Variants in PRIMPOL observed in about 807,000 individuals in gnomAD.
The protein encoded by PRIMPOL is DNA-directed primase/polymerase protein.
A neutral mutation model predicts 63.6 loss-of-function variants in PRIMPOL; 54 were observed. The ratio of observed to expected loss-of-function variants is 0.85; its 90% confidence interval spans 0.68 to 1.07. The LOEUF is 1.07. Among genes scored for constraint, PRIMPOL ranks in the 50% least tolerant of loss-of-function variants. The pLI is 0.00. For synonymous variants in PRIMPOL, 197 were observed against 220.2 expected (o/e 0.89, Z 0.93); for missense variants, 610 against 648.3 (o/e 0.94, Z 0.64).
At chr4:184,657,981 G>A (rs1177037645) in intron 3 of PRIMPOL, among the ~76,000 whole-genome samples, 2 of 144,176 alleles carry the variant, frequency 1.4e-5, no homozygotes, top group Non-Finnish European at 3.0e-5. Flanking sequence ...CAACAAGAGC[G>A]AAACTCCATC....
chr4:184,681,679 G>A (rs750086608), intron 8 of PRIMPOL, among the ~76,000 whole-genome samples: 2 of 151,910 alleles, frequency 1.3e-5, no homozygotes, highest in Non-Finnish European at 2.9e-5. Context: ...GGTTCAAGCA[G>A]TTCTTCTGCC....
intron 13 of PRIMPOL, chr4:184,694,200 T>C (rs1221816031): frequency 1.3e-5 from 14 of 1,050,216 alleles, no homozygotes; most frequent in Non-Finnish European, 1.6e-5. Context: ...ATCTTCTGAT[T>C]TGTCTTCAGC....
chr4:184,691,800 T>C (rs564347194), intron 13 of PRIMPOL, 88 bp downstream of exon 13: 4 of 911,412 alleles, frequency 4.4e-6, no homozygotes, highest in Admixed American at 2.1e-5. Context: ...CCAAATAGCA[T>C]TGAAACCCAT....
At chr4:184,662,335 A>T (rs922806576) in intron 5 of PRIMPOL, among the ~76,000 whole-genome samples, 1 of 152,214 alleles carries the variant, frequency 6.6e-6, no homozygotes, top group African/African-American at 2.4e-5. Flanking sequence ...TTTGGAAATC[A>T]TCTTATCTTG....
Position 184,654,524 on chromosome 4 carries a change from C to T in PRIMPOL, c.-60+2424C>T, listed in dbSNP as rs540559496. Reference sequence around the variant, plus strand: ...AGAGTGCAGTGGCACGATCTTGGCTCACTGCAAGCTCTGCCTCCCGGGTTC... The same window carrying T: ...AGAGTGCAGTGGCACGATCTTGGCTTACTGCAAGCTCTGCCTCCCGGGTTC... On this transcript the variant is annotated intron_variant, in intron 2 of 13. Coordinates refer to ENST00000314970, the MANE Select transcript of PRIMPOL (RefSeq NM_152683.4). Among the ~76,000 whole-genome samples, 4 of 148,092 alleles carry T rather than the reference C, an allele frequency of 2.7e-5. No homozygotes were observed. In the East Asian group the frequency reaches 6.0e-4, roughly 22 times the overall value.
intron 8 of PRIMPOL, among the ~76,000 whole-genome samples, chr4:184,679,906 A>T (rs1160267577): frequency 6.6e-6 from 1 of 152,146 alleles, no homozygotes; most frequent in Non-Finnish European, 1.5e-5. Flanking sequence ...ACCCATGGAA[A>T]GATTGTCTTC....
Position 184,667,920 on chromosome 4 carries a change from C to T in PRIMPOL, c.556+1856C>T, listed in dbSNP as rs561731435. Among the ~76,000 whole-genome samples, 4 of 152,202 alleles carry T rather than the reference C, an allele frequency of 2.6e-5. No individual in the cohort carries two copies. The South Asian group carries it at 6.2e-4, about 24-fold the overall frequency. ...ATTAAGACTTTCTAGGTGCATGAGC[C>T]GTGTGGTTTGTTACATTTGCAGGCT... is the stretch of plus-strand genomic sequence containing the variant. On this transcript the variant is annotated intron_variant, in intron 6 of 13. Coordinates refer to ENST00000314970, the MANE Select transcript of PRIMPOL (RefSeq NM_152683.4).
intron 6 of PRIMPOL, among the ~76,000 whole-genome samples, 185 bp from the exon 7 acceptor site, chr4:184,671,987 GC>G (rs1561002698): frequency 6.6e-5 from 10 of 152,002 alleles, no homozygotes. Flanking sequence ...TGATCCGCCC[GC>G]CTCGGCCTCC....
rs1174398084 is a variant in PRIMPOL at position 184,685,672 on chromosome 4, G to C, written c.1283G>C (p.Ser428Thr). Residue 428 changes from serine (S) to threonine (T), a missense_variant, in exon 11 of 14, where the codon AGT becomes ACT. By Grantham distance (58) the Ser-to-Thr change is moderately conservative. Transcript: ENST00000314970. The stretch of plus-strand genomic sequence containing the variant: ...GAAAACATTGGAAGAGCCCATAAGA[G>C]TAATAATATAATGTAAGTAATATTA... The part of the protein sequence containing the change: ...WCENIGRAHK[S>T]NNIMILVDLK... 6.8e-7 allele frequency: 1 copy of C among 1,478,948 alleles called. No individual in the cohort carries two copies. The highest frequency in any genetic ancestry group is 1.4e-5 in the African/African-American group (1 of 71,942). The allele number at this position is 1,478,948 out of a possible 1,614,324, so 91.6% of individuals were successfully genotyped here.
At chr4:184,671,958 T>G (rs556185104) in intron 6 of PRIMPOL, among the ~76,000 whole-genome samples, 2 of 152,180 alleles carry the variant, frequency 1.3e-5, no homozygotes, top group African/African-American at 4.8e-5. Context: ...ACCAGGATGG[T>G]CTCGATCTCC....
rs745573429 is a variant in PRIMPOL at position 184,672,269 on chromosome 4, A to AT, written c.658dup (p.Ser220PhefsTer13). On this transcript the variant is annotated frameshift_variant, in exon 7 of 14. Coordinates refer to ENST00000314970, the MANE Select transcript of PRIMPOL (RefSeq NM_152683.4). LOFTEE classifies it high-confidence loss of function. ...GAGACAACAGGCCATGGATTTCCCC[A>AT]TTTTTCAGAAGCACCTGCAAGACAA... is the stretch of plus-strand genomic sequence containing the variant. The AT allele has an allele frequency of 6.2e-7, 1 of 1,614,104 alleles. No individual in the cohort carries two copies. The highest frequency in any genetic ancestry group is 1.1e-5 in the South Asian group (1 of 91,070).
chr4:184,671,050 CA>C (rs1199943103), intron 6 of PRIMPOL, among the ~76,000 whole-genome samples: 2 of 152,094 alleles, frequency 1.3e-5, no homozygotes, highest in African/African-American at 4.8e-5. Flanking sequence ...ACTTAATAGC[CA>C]AATTATTTGA....
At chr4:184,667,109 T>A (rs916671134) in intron 6 of PRIMPOL, among the ~76,000 whole-genome samples, 11 of 152,162 alleles carry the variant, frequency 7.2e-5, no homozygotes, top group African/African-American at 2.2e-4. Context: ...AGCACTGGCA[T>A]GAAAGCCAGG....
intron 7 of PRIMPOL, 51 bp from the exon 8 acceptor site, chr4:184,678,181 A>C (rs755446022): frequency 1.5e-5 from 18 of 1,240,032 alleles, no homozygotes; most frequent in Non-Finnish European, 2.0e-5. Context: ...TGACTATGAA[A>C]CTAATAACAG....
intron 13 of PRIMPOL, among the ~76,000 whole-genome samples, chr4:184,693,073 A>G (rs1447760025): frequency 6.6e-6 from 1 of 152,168 alleles, no homozygotes; most frequent in Non-Finnish European, 1.5e-5. Flanking sequence ...TACCTGCTAC[A>G]AGCAGAACAG....
chr4:184,667,409 C>A (rs1298312592), intron 6 of PRIMPOL, among the ~76,000 whole-genome samples: 1 of 152,052 alleles, frequency 6.6e-6, no homozygotes, highest in African/African-American at 2.4e-5. Flanking sequence ...CTCCCGGGTT[C>A]AAGCGATTCT....
At position 184,650,054 on chromosome 4, in the gene PRIMPOL, T is replaced by C. The variant is rs533163239; in HGVS notation, c.-138+146T>C. 8 of 152,312 alleles carry C rather than the reference T, an allele frequency of 5.3e-5. No individual in the cohort carries two copies. The East Asian group carries it at 1.5e-3, about 29-fold the overall frequency. The allele number at this position is 152,312 out of a possible 1,614,324, so 9.4% of individuals were successfully genotyped here. A position where few individuals can be genotyped will look rare whatever the true frequency, so the allele number is the denominator to read the frequency against. On this transcript the variant is annotated intron_variant, in intron 1 of 13. Coordinates refer to ENST00000314970, the MANE Select transcript of PRIMPOL (RefSeq NM_152683.4). ...TCCACGCATGCTGTGTTTTCCACCATGTCAGGCTGCTGTGGACGCTCTTTC... is the reference window on the plus strand; with the variant it reads ...TCCACGCATGCTGTGTTTTCCACCACGTCAGGCTGCTGTGGACGCTCTTTC...
intron 1 of PRIMPOL, among the ~76,000 whole-genome samples, chr4:184,650,477 G>A (rs1198409581): frequency 8.0e-6 from 1 of 125,058 alleles, no homozygotes; most frequent in Non-Finnish European, 1.7e-5. Context: ...TCCTTACCTG[G>A]CTGGATGCGG....
chr4:184,661,342 A>G (rs1748246797), intron 4 of PRIMPOL, among the ~76,000 whole-genome samples: 1 of 152,206 alleles, frequency 6.6e-6, no homozygotes, highest in Non-Finnish European at 1.5e-5. Flanking sequence ...TTCTTATTTC[A>G]TACTTGTATG....
Sources: allele counts gnomAD v4.1 joint callset (sites outside exome capture counted in the v4.1 genomes callset), GRCh38; gene constraint gnomAD v4.1.1; transcripts MANE v1.5; gene names NCBI Gene and HGNC (gene_info 2026-07-23, HGNC 2026-07-21).